The following SKAP1 variants were observed in gnomAD, a reference collection of about 807,000 sequenced individuals.
SKAP1 encodes src kinase-associated phosphoprotein 1.
In SKAP1, 44 loss-of-function variants were observed where a neutral mutation model predicts 58.5. That is an observed-to-expected ratio of 0.75 (90% CI 0.59 to 0.97). The LOEUF is 0.97. SKAP1 is among the 50% of genes least tolerant of loss of function. The probability of loss-of-function intolerance (pLI) is 0.00; values close to 1 mark genes in which losing one functional copy is unlikely to be tolerated. For synonymous variants in SKAP1, 127 were observed against 149.7 expected (o/e 0.85, Z 1.11); for missense variants, 390 against 435.2 (o/e 0.90, Z 0.92).
At chr17:48,339,437 A>C (rs1228868279) in intron 4 of SKAP1, among the ~76,000 whole-genome samples, 1 of 152,228 alleles carries the variant, frequency 6.6e-6, no homozygotes, top group Non-Finnish European at 1.5e-5. Flanking sequence ...CATAGCTTAC[A>C]TAGTTTTAAA....
chr17:48,424,516 C>T lies in SKAP1; in HGVS notation c.46+5559G>A, dbSNP rs559032485. On this transcript the variant is annotated intron_variant, in intron 1 of 12. Transcript: ENST00000336915. The stretch of plus-strand genomic sequence containing the variant: ...CTGGGATTACAGGCGTGAGCCACCG[C>T]GCCCGGCCCTCTGGGACCTCTTTTA... 1.2e-3 allele frequency among the ~76,000 whole-genome samples: 186 copies of T among 151,296 alleles called. 1 individual carries two copies. The highest frequency in any genetic ancestry group is 3.4e-3 in the Middle Eastern group (1 of 292).
intron 11 of SKAP1, among the ~76,000 whole-genome samples, chr17:48,143,648 T>G (rs17618704): frequency 0.052 from 7,970 of 152,260 alleles, 298 homozygotes; most frequent in Middle Eastern, 0.078. Context: ...CCTCTCACAT[T>G]GTAACTCGTA....
At chr17:48,144,016 AGGG>A (rs1237724337) in intron 11 of SKAP1, among the ~76,000 whole-genome samples, 1 of 152,206 alleles carries the variant, frequency 6.6e-6, no homozygotes, top group African/African-American at 2.4e-5. Context: ...CTCTTGCTCC[AGGG>A]GAACACTGAC....
intron 4 of SKAP1, among the ~76,000 whole-genome samples, chr17:48,298,373 A>G (rs1217223122): frequency 6.6e-6 from 1 of 152,220 alleles, no homozygotes; most frequent in African/African-American, 2.4e-5. Flanking sequence ...CTGATTGACT[A>G]TGTGGAAGGG....
chr17:48,345,245 T>C (rs981200941), intron 4 of SKAP1, among the ~76,000 whole-genome samples: 1 of 152,258 alleles, frequency 6.6e-6, no homozygotes, highest in African/African-American at 2.4e-5. Context: ...TAAAAATTCA[T>C]GTATATTTTG....
rs531941169 is a variant in SKAP1, at chr17:48,184,361, T to A, written c.567+362A>T. Among the ~76,000 whole-genome samples the A allele has an allele frequency of 2.6e-5, 4 of 152,138 alleles. No homozygotes were observed. The East Asian group carries it at 7.7e-4, about 29-fold the overall frequency. On this transcript the variant is annotated intron_variant, in intron 7 of 12. Transcript: ENST00000336915. ...TTTTTTGGGATTTCATGGAAGGAAGTGAAGAAAATCAGTCGAAGAATAAAG... is the reference window on the plus strand; with the variant it reads ...TTTTTTGGGATTTCATGGAAGGAAGAGAAGAAAATCAGTCGAAGAATAAAG...
At chr17:48,416,063 C>T (rs572819600) in intron 1 of SKAP1, among the ~76,000 whole-genome samples, 3 of 152,260 alleles carry the variant, frequency 2.0e-5, no homozygotes, top group Non-Finnish European at 2.9e-5. Context: ...CCTAAAAACA[C>T]GGTCCTTTTT....
chr17:48,149,003 G>T (rs1414621662), intron 11 of SKAP1, among the ~76,000 whole-genome samples: 2 of 152,102 alleles, frequency 1.3e-5, no homozygotes, highest in African/African-American at 4.8e-5. Context: ...CTTGCACCTT[G>T]CTAGAAAGCA....
At chr17:48,269,534 C>T (rs576736723) in intron 4 of SKAP1, among the ~76,000 whole-genome samples, 9 of 152,180 alleles carry the variant, frequency 5.9e-5, no homozygotes, top group Non-Finnish European at 1.3e-4. Flanking sequence ...AATTATGTAA[C>T]CCACATCGCC....
At chr17:48,422,764 C>T (rs1264045495) in intron 1 of SKAP1, among the ~76,000 whole-genome samples, 7 of 152,122 alleles carry the variant, frequency 4.6e-5, no homozygotes, top group East Asian at 1.9e-4. Context: ...TTCTAATTCT[C>T]GGCAACATCC....
chr17:48,302,275 A>T (rs574881040), intron 4 of SKAP1, among the ~76,000 whole-genome samples: 5 of 152,174 alleles, frequency 3.3e-5, no homozygotes, highest in Admixed American at 2.6e-4. Flanking sequence ...AATCACTACT[A>T]TAATAATATA....
At chr17:48,189,190 C>G (rs1355134850) in intron 5 of SKAP1, among the ~76,000 whole-genome samples, 2 of 152,190 alleles carry the variant, frequency 1.3e-5, no homozygotes, top group African/African-American at 4.8e-5. Context: ...CAGAGGTGAG[C>G]AGGACATAAC....
chr17:48,378,470 C>A (rs917701051), intron 2 of SKAP1, among the ~76,000 whole-genome samples: 1 of 152,122 alleles, frequency 6.6e-6, no homozygotes, highest in East Asian at 1.9e-4. Context: ...GTCATTAGCA[C>A]CTTCATTATC....
chr17:48,433,510 C>G (rs975571351), upstream of SKAP1, among the ~76,000 whole-genome samples: 1 of 152,174 alleles, frequency 6.6e-6, no homozygotes, highest in Admixed American at 6.5e-5. Flanking sequence ...TCCCGTCCCC[C>G]CCAGACCCAA....
At chr17:48,340,929 T>C (rs9303544) in intron 4 of SKAP1, among the ~76,000 whole-genome samples, 26,258 of 152,172 alleles carry the variant, frequency 0.17, 2,321 homozygotes, top group Non-Finnish European at 0.19. Flanking sequence ...TAAGAGTAGA[T>C]GTCTACAGAG....
intron 2 of SKAP1, among the ~76,000 whole-genome samples, chr17:48,392,904 C>T (rs2067367903): frequency 6.6e-6 from 1 of 151,644 alleles, no homozygotes; most frequent in East Asian, 1.9e-4. Context: ...CCCTCCCCCA[C>T]TCTCAACGTA....
At chr17:48,180,621 G>A (rs1938875890) in intron 8 of SKAP1, among the ~76,000 whole-genome samples, 1 of 152,186 alleles carries the variant, frequency 6.6e-6, no homozygotes, top group Non-Finnish European at 1.5e-5. Context: ...GGAAGGGTGA[G>A]TGAAGGCTTG....
chr17:48,273,545 G>A (rs149411130), intron 4 of SKAP1, among the ~76,000 whole-genome samples: 170 of 151,694 alleles, frequency 1.1e-3, no homozygotes, highest in Non-Finnish European at 2.1e-3. Flanking sequence ...AGCCTCCCTA[G>A]TAGCTGGGAT....
intron 3 of SKAP1, among the ~76,000 whole-genome samples, chr17:48,352,022 T>C (rs2066808742): frequency 1.3e-5 from 2 of 150,206 alleles, no homozygotes; most frequent in African/African-American, 4.9e-5. Flanking sequence ...TAGGGTGAGC[T>C]GTAGTGTGTA....
Sources: allele counts gnomAD v4.1 joint callset (sites outside exome capture counted in the v4.1 genomes callset), GRCh38; gene constraint gnomAD v4.1.1; transcripts MANE v1.5; gene names NCBI Gene and HGNC (gene_info 2026-07-23, HGNC 2026-07-21).